CD69: variants seen among roughly 807,000 people sequenced by gnomAD.
CD69 encodes early activation antigen CD69.
In CD69, 10 loss-of-function variants were observed where a neutral mutation model predicts 21.4. The observed-to-expected ratio is 0.47, with a 90% CI of 0.29 to 0.79. The LOEUF (loss-of-function observed/expected upper bound fraction) is 0.79, where lower values mean the gene tolerates loss of function less well. Ranked by LOEUF, CD69 falls within the 30% of genes least tolerant of loss-of-function variation. The pLI, the probability that CD69 is intolerant of heterozygous loss-of-function variation, is 0.09. For missense variants in CD69, 204 were observed against 236.9 expected (o/e 0.86, Z 0.91); for synonymous variants, 63 against 78.2 (o/e 0.81, Z 1.03).
chr12:9,754,614 C>T lies in CD69; in HGVS notation c.464G>A (p.Trp155Ter). The T allele has an allele frequency of 1.2e-6, 2 of 1,610,514 alleles. No homozygotes were observed. Among genetic ancestry groups the T allele is most frequent in the Non-Finnish European group, 1.7e-6 (2 of 1,176,720 alleles). ...GTTGTTAAATTCTTTGCCATTTGAC[C>T]ACTTCCATGGGTGACCAGGTTCCTT... ...LKKEPGHPWK[W>*]SNGKEFNNWF... Residue 155 changes from tryptophan (W) to a stop codon, truncating the protein, a stop_gained, in exon 4 of 5, where the codon TGG becomes TAG. Transcript: ENST00000228434. LOFTEE classifies it low-confidence loss of function (END_TRUNC).
intron 1 of CD69, among the ~76,000 whole-genome samples, chr12:9,760,158 T>C (rs1434395805): frequency 6.6e-6 from 1 of 152,078 alleles, no homozygotes; most frequent in Non-Finnish European, 1.5e-5. Context: ...ACACTGTAAA[T>C]TTTCATCTGC....
intron 1 of CD69, among the ~76,000 whole-genome samples, chr12:9,759,005 C>T (rs747806340): frequency 6.6e-6 from 1 of 152,168 alleles, no homozygotes; most frequent in African/African-American, 2.4e-5. Flanking sequence ...TCTCGGCTCA[C>T]TGCAAGCTCC....
chr12:9,754,986 A>T, intron 3 of CD69, 76 bp downstream of exon 3: 1 of 1,222,970 alleles, frequency 8.2e-7, no homozygotes, highest in Non-Finnish European at 1.2e-6. Flanking sequence ...TGTTTTCTCC[A>T]CTTAGAAACG....
chr12:9,754,124 T>C (rs1451396314), intron 4 of CD69: 1 of 153,792 alleles, frequency 6.5e-6, no homozygotes, highest in Admixed American at 6.5e-5. Context: ...GAGTATCTAA[T>C]TCTGGGGCAA....
intron 1 of CD69, 99 bp downstream of exon 1, chr12:9,760,658 T>G (rs904811850): frequency 1.6e-5 from 13 of 825,418 alleles, no homozygotes; most frequent in Non-Finnish European, 2.2e-5. Flanking sequence ...TAAGATTATA[T>G]ATCATATATA....
intron 1 of CD69, among the ~76,000 whole-genome samples, chr12:9,758,759 G>A (rs1866702789): frequency 6.6e-6 from 1 of 152,156 alleles, no homozygotes; most frequent in Non-Finnish European, 1.5e-5. Flanking sequence ...ATGTGAGTCA[G>A]TCGTGCTGCT....
Position 9,753,422 on chromosome 12 carries a change from T to C in CD69, c.*59A>G, listed in dbSNP as rs766335654. On this transcript the variant is annotated 3_prime_UTR_variant, in exon 5 of 5. Coordinates refer to ENST00000228434, the MANE Select transcript of CD69 (RefSeq NM_001781.2). The stretch of plus-strand genomic sequence containing the variant: ...CTTCGGACCACAGAGCAGCATCCAC[T>C]GACACAGATTTCCTTGAGTTCCATT... The C allele has an allele frequency of 8.8e-5, 65 of 736,246 alleles. No individual in the cohort carries two copies. In the African/African-American group the frequency reaches 1.1e-3, roughly 13 times the overall value. The allele number at this position is 736,246 out of a possible 1,614,324, so 45.6% of individuals were successfully genotyped here. A position where few individuals can be genotyped will look rare whatever the true frequency, so the allele number is the denominator to read the frequency against.
chr12:9,759,064 G>A (rs1215955825), intron 1 of CD69, among the ~76,000 whole-genome samples: 1 of 152,084 alleles, frequency 6.6e-6, no homozygotes, highest in East Asian at 1.9e-4. Context: ...TAAGTAGCTG[G>A]GACTACAGGC....
At chr12:9,758,012 C>T (rs1005600461) in intron 1 of CD69, among the ~76,000 whole-genome samples, 1 of 150,216 alleles carries the variant, frequency 6.7e-6, no homozygotes, top group Non-Finnish European at 1.5e-5. Context: ...AAATATTCAG[C>T]GAAAGTTATT....
chr12:9,756,606 T>C (rs986200406), intron 1 of CD69, among the ~76,000 whole-genome samples, 187 bp from the exon 2 acceptor site: 1 of 152,216 alleles, frequency 6.6e-6, no homozygotes, highest in African/African-American at 2.4e-5. Context: ...AGTTTATTGT[T>C]GGCTTGAAAT....
chr12:9,755,739 A>G (rs16931958), intron 2 of CD69, among the ~76,000 whole-genome samples: 7,770 of 152,308 alleles, frequency 0.051, 273 homozygotes, highest in Middle Eastern at 0.13. Flanking sequence ...GAATATCTCA[A>G]AACAATGGTA....
intron 3 of CD69, 86 bp from the exon 4 acceptor site, chr12:9,754,776 T>C: frequency 2.2e-6 from 2 of 900,804 alleles, no homozygotes; most frequent in Non-Finnish European, 3.7e-6. Context: ...AAGCTGCAAC[T>C]TGAGGCATGA....
chr12:9,754,641 T>C lies in CD69; in HGVS notation c.437A>G (p.Lys146Arg), dbSNP rs751119124. The C allele has an allele frequency of 4.3e-6, 7 of 1,613,138 alleles. No homozygotes were observed. Among genetic ancestry groups the C allele is most frequent in the African/African-American group, 1.3e-5 (1 of 74,910 alleles). ...AGREEHWVGL[K>R]KEPGHPWKWS... ...CTTCCATGGGTGACCAGGTTCCTTT[T>C]TCAGTCCAACCCAGTGTTCCTCTCT... The change falls in exon 4 of 5, where the codon AAA becomes AGA. Residue 146 changes from lysine (K) to arginine (R), a missense_variant. Physicochemically the swap from Lys to Arg is conservative, Grantham distance 26 (BLOSUM62 2). Transcript: ENST00000228434.
chr12:9,758,801 CAGTG>C (rs987371306), intron 1 of CD69, among the ~76,000 whole-genome samples: 3 of 152,250 alleles, frequency 2.0e-5, no homozygotes, highest in African/African-American at 7.2e-5. Flanking sequence ...TCTGTCTCCT[CAGTG>C]AGCACTAACA....
intron 1 of CD69, among the ~76,000 whole-genome samples, chr12:9,759,306 A>G (rs1355993847): frequency 2.0e-5 from 3 of 152,160 alleles, no homozygotes; most frequent in Non-Finnish European, 2.9e-5. Flanking sequence ...CTGCACATTA[A>G]TGGAGAAGTT....
chr12:9,756,448 C>G (rs1176153231), intron 1 of CD69, 29 bp from the exon 2 acceptor site: 2 of 1,599,322 alleles, frequency 1.3e-6, no homozygotes, highest in Non-Finnish European at 1.7e-6. Context: ...ATGATGAGTT[C>G]AGGCAGACTA....
intron 1 of CD69, among the ~76,000 whole-genome samples, chr12:9,759,502 A>ATTATTG (rs1268911621): frequency 6.7e-6 from 1 of 150,332 alleles, no homozygotes; most frequent in Non-Finnish European, 1.5e-5. Context: ...TATTATTATT[A>ATTATTG]TTATTATTTC....
At chr12:9,760,533 A>G (rs972619126) in intron 1 of CD69, among the ~76,000 whole-genome samples, 10 of 152,200 alleles carry the variant, frequency 6.6e-5, no homozygotes, top group African/African-American at 2.4e-4. Flanking sequence ...TATAGATAAA[A>G]AGGGGTTTAC....
intron 4 of CD69, among the ~76,000 whole-genome samples, 165 bp from the exon 5 acceptor site, chr12:9,753,754 GA>G (rs57931161): frequency 0.94 from 143,011 of 151,866 alleles, 67,966 homozygotes; most frequent in East Asian, 1. Flanking sequence ...GACAAGAATT[GA>G]AAAAAAAATA....
Sources: allele counts gnomAD v4.1 joint callset (sites outside exome capture counted in the v4.1 genomes callset), GRCh38; gene constraint gnomAD v4.1.1; transcripts MANE v1.5; gene names NCBI Gene and HGNC (gene_info 2026-07-23, HGNC 2026-07-21).